ENTPD3: variants seen among roughly 807,000 people sequenced by gnomAD.
ENTPD3 encodes the protein ectonucleoside triphosphate diphosphohydrolase 3, also known as CD39 antigen-like 3.
A neutral mutation model predicts 51.2 loss-of-function variants in ENTPD3; 60 were observed. That is an observed-to-expected ratio of 1.17 (90% confidence interval 0.95 to 1.45). The LOEUF is 1.45. ENTPD3 is among the 40% of genes most tolerant of loss of function. The pLI is 0.00. For missense variants in ENTPD3, 593 were observed against 641.1 expected (o/e 0.93, Z 0.81); for synonymous variants, 221 against 238.4 (o/e 0.93, Z 0.67).
intron 2 of ENTPD3, chr3:40,390,927 A>G (rs1955037449): frequency 1.3e-5 from 2 of 152,268 alleles, no homozygotes; most frequent in South Asian, 4.2e-4. Context: ...CAAATAAATG[A>G]AATCATTTCA....
intron 3 of ENTPD3, among the ~76,000 whole-genome samples, chr3:40,396,255 G>C (rs2125590422): frequency 6.6e-6 from 1 of 152,358 alleles, no homozygotes; most frequent in East Asian, 1.9e-4. Flanking sequence ...CTTTGGAAGA[G>C]AGTGTTCCAC....
chr3:40,423,889 T>C lies in ENTPD3; in HGVS notation c.1279T>C (p.Tyr427His), dbSNP rs987781196. Reference sequence around the variant, plus strand: ...CCGCTCTTACTGCTTCTCAGCCAACTACATCTACCACTTGTTTGTGAACGG... The same window carrying C: ...CCGCTCTTACTGCTTCTCAGCCAACCACATCTACCACTTGTTTGTGAACGG... ...YARSYCFSAN[Y>H]IYHLFVNGYK... Residue 427 changes from tyrosine to histidine, a missense_variant, in exon 10 of 11, where the codon TAC (tyrosine) becomes CAC (histidine). Transcript: ENST00000301825. 2 of 1,614,172 alleles carry C rather than the reference T, an allele frequency of 1.2e-6. No individual in the cohort carries two copies. Among genetic ancestry groups the C allele is most frequent in the Non-Finnish European group, 1.7e-6 (2 of 1,180,020 alleles).
intron 6 of ENTPD3, 113 bp downstream of exon 6, chr3:40,414,953 A>G: frequency 9.5e-7 from 1 of 1,052,942 alleles, no homozygotes; most frequent in Non-Finnish European, 1.4e-6. Context: ...TATCACTCCT[A>G]CCATGTAACG....
rs1177854920 is a variant in ENTPD3, at chr3:40,428,582, AG to A, written c.*1075del. ...GCATTATTTCATATTGCTGTTTCTT[AG>A]CTGAATATGGAATAAAGAACTATTA... On this transcript the variant is annotated 3_prime_UTR_variant, in exon 11 of 11. Transcript: ENST00000301825. The A allele has an allele frequency of 6.6e-6, 1 of 152,206 alleles. No homozygotes were observed. Among genetic ancestry groups the A allele is most frequent in the Non-Finnish European group, 1.5e-5 (1 of 68,028 alleles). The allele number at this position is 152,206 out of a possible 1,614,324, so 9.4% of individuals were successfully genotyped here. A position where few individuals can be genotyped will look rare whatever the true frequency, so the allele number is the denominator to read the frequency against.
Position 40,427,652 on chromosome 3 carries a change from T to G in ENTPD3, c.*144T>G, listed in dbSNP as rs1431461268. The G allele has an allele frequency of 4.6e-6, 3 of 651,312 alleles. No homozygotes were observed. The highest frequency in any genetic ancestry group is 5.2e-5 in the Admixed American group (2 of 38,368). The allele number at this position is 651,312 out of a possible 1,614,324, so 40.3% of individuals were successfully genotyped here. On this transcript the variant is annotated 3_prime_UTR_variant, in exon 11 of 11. Transcript: ENST00000301825. Reference sequence around the variant, plus strand: ...GTCACGTGCCTCTCAAATACTGATTTCTGCCACAGCACCTCTTGAGGCATC... The same window carrying G: ...GTCACGTGCCTCTCAAATACTGATTGCTGCCACAGCACCTCTTGAGGCATC...
chr3:40,388,895 CTT>C (rs988280579), intron 2 of ENTPD3, among the ~76,000 whole-genome samples: 10 of 152,132 alleles, frequency 6.6e-5, no homozygotes, highest in Admixed American at 3.9e-4. Context: ...ACACAGAAGA[CTT>C]AGGAGGCCAG....
rs1319285296 is a variant in ENTPD3, at chr3:40,428,356, CA to C, written c.*850del. 1.3e-5 allele frequency: 2 copies of C among 152,200 alleles called. No individual in the cohort carries two copies. The highest frequency in any genetic ancestry group is 2.9e-5 in the Non-Finnish European group (2 of 68,052). The allele number at this position is 152,200 out of a possible 1,614,324, so 9.4% of individuals were successfully genotyped here. A position where few individuals can be genotyped will look rare whatever the true frequency, so the allele number is the denominator to read the frequency against. ...GTATATATTTTTGTCACCATTCCCA[CA>C]AGTATACTTGATGTTGTCATAGAAC... On this transcript the variant is annotated 3_prime_UTR_variant, in exon 11 of 11. Coordinates refer to ENST00000301825, the MANE Select transcript of ENTPD3 (RefSeq NM_001248.4).
At chr3:40,419,211 T>G (rs1023128670) in intron 7 of ENTPD3, among the ~76,000 whole-genome samples, 1 of 152,206 alleles carries the variant, frequency 6.6e-6, no homozygotes, top group Non-Finnish European at 1.5e-5. Flanking sequence ...CATATAATCT[T>G]AGCGATTTTA....
chr3:40,396,567 A>G (rs1955205443), intron 3 of ENTPD3, among the ~76,000 whole-genome samples: 1 of 152,172 alleles, frequency 6.6e-6, no homozygotes, highest in South Asian at 2.1e-4. Flanking sequence ...GGTCAGAACT[A>G]TTAAAATGCA....
chr3:40,427,212 G>C, intron 10 of ENTPD3, 60 bp from the exon 11 acceptor site: 2 of 1,341,736 alleles, frequency 1.5e-6, no homozygotes, highest in Non-Finnish European at 2.1e-6. Flanking sequence ...TATGACTCCG[G>C]TATGTGATTG....
chr3:40,405,548 T>C (rs1222556704), intron 4 of ENTPD3, among the ~76,000 whole-genome samples: 2 of 152,070 alleles, frequency 1.3e-5, no homozygotes, highest in Non-Finnish European at 2.9e-5. Flanking sequence ...GAGCTCAAGC[T>C]GAGGTGCGTG....
chr3:40,388,961 G>T (rs1575204411), intron 2 of ENTPD3, among the ~76,000 whole-genome samples: 2 of 152,250 alleles, frequency 1.3e-5, no homozygotes, highest in Middle Eastern at 6.8e-3. Flanking sequence ...CTCCCCCATG[G>T]ATAGACATTC....
At chr3:40,395,783 C>A (rs1357115611) in intron 3 of ENTPD3, among the ~76,000 whole-genome samples, 1 of 152,192 alleles carries the variant, frequency 6.6e-6, no homozygotes, top group Non-Finnish European at 1.5e-5. Context: ...GTTAAGCCTT[C>A]AGGCAGGTGG....
At chr3:40,411,369 T>C (rs1157690778) in intron 4 of ENTPD3, among the ~76,000 whole-genome samples, 1 of 152,070 alleles carries the variant, frequency 6.6e-6, no homozygotes, top group African/African-American at 2.4e-5. Flanking sequence ...CAACTGTAGT[T>C]AGGGCTTTTT....
intron 7 of ENTPD3, among the ~76,000 whole-genome samples, chr3:40,421,977 T>C (rs1955883054): frequency 1.3e-5 from 2 of 152,192 alleles, no homozygotes; most frequent in African/African-American, 4.8e-5. Context: ...ATTATTTTGC[T>C]AGATGGATGG....
Position 40,415,738 on chromosome 3 carries a change from C to T in ENTPD3, c.598-102C>T. The T allele has an allele frequency of 3.6e-6, 3 of 840,764 alleles. No homozygotes were observed. In the South Asian group the frequency reaches 4.8e-5, roughly 14 times the overall value. The allele number at this position is 840,764 out of a possible 1,614,324, so 52.1% of individuals were successfully genotyped here. A position where few individuals can be genotyped will look rare whatever the true frequency, so the allele number is the denominator to read the frequency against. Reference sequence around the variant, plus strand: ...AATTGGCCTCACATGCTCCCTCTGTCCTACTTCTTAGTAATAGGAGACGAG... The same window carrying T: ...AATTGGCCTCACATGCTCCCTCTGTTCTACTTCTTAGTAATAGGAGACGAG... On this transcript the variant is annotated intron_variant, in intron 6 of 10. Transcript: ENST00000301825.
chr3:40,397,762 G>A (rs1468761424), intron 3 of ENTPD3, among the ~76,000 whole-genome samples: 4 of 152,128 alleles, frequency 2.6e-5, no homozygotes, highest in African/African-American at 9.7e-5. Context: ...TGCATTCACT[G>A]TTAGATACAG....
rs753162994 is a variant in ENTPD3, at chr3:40,423,330, C to T, written c.1144C>T (p.Leu382Phe). ...CTACTACACAGCCAGTGCTTTAAATCTTTCAGGTAGCTTTTCCCTGGACAC... is the reference window on the plus strand; with the variant it reads ...CTACTACACAGCCAGTGCTTTAAATTTTTCAGGTAGCTTTTCCCTGGACAC... ...GFYYTASALN[L>F]SGSFSLDTFN... Residue 382 changes from leucine to phenylalanine, a missense_variant, in exon 9 of 11, where the codon CTT becomes TTT. Transcript: ENST00000301825. 79 of 1,613,970 alleles carry T rather than the reference C, an allele frequency of 4.9e-5. No homozygotes were observed. The highest frequency in any genetic ancestry group is 6.6e-5 in the Non-Finnish European group (78 of 1,179,982).
In ENTPD3 at chr3:40,427,387, C is replaced by T. The variant is rs1185110700; in HGVS notation, c.1469C>T (p.Thr490Ile). Residue 490 changes from threonine (T) to isoleucine (I), a missense_variant, in exon 11 of 11, where the codon ACC (threonine) becomes ATC (isoleucine). Thr to Ile is a moderately conservative substitution (Grantham distance 89). Transcript: ENST00000301825. ...ATAGAACCACCTGTCTTTGTGGGCA[C>T]CCTCGCTTTCTTCACAGCGGCAGCC... ...LPIEPPVFVG[T>I]LAFFTAAALL... The T allele has an allele frequency of 6.2e-7, 1 of 1,613,850 alleles. No homozygotes were observed. Among genetic ancestry groups the T allele is most frequent in the East Asian group, 2.2e-5 (1 of 44,882 alleles).
Sources: gnomAD v4.1 joint callset for allele counts (sites outside exome capture counted in the v4.1 genomes callset) on GRCh38, gnomAD v4.1.1 for gene constraint, MANE v1.5 for transcripts, NCBI Gene and HGNC (gene_info 2026-07-23, HGNC 2026-07-21) for gene names.